The following CEP63 variants were observed in gnomAD, a reference collection of about 807,000 sequenced individuals.
CEP63 encodes the protein centrosomal protein 63.
In CEP63, 84 loss-of-function variants were observed where a neutral mutation model predicts 89.1. The observed-to-expected ratio is 0.94, with a 90% CI of 0.79 to 1.13. The LOEUF (loss-of-function observed/expected upper bound fraction) is 1.13, where lower values mean the gene tolerates loss of function less well. Among genes scored for constraint, CEP63 ranks in the 50% most tolerant of loss-of-function variants. The pLI is 0.00. For missense variants in CEP63, 838 were observed against 813.3 expected (o/e 1.03, Z -0.37); for synonymous variants, 267 against 272.5 (o/e 0.98, Z 0.20).
At chr3:134,723,978 T>C in the CEP63 span, among the ~76,000 whole-genome samples, 1 of 152,224 alleles carries the variant, frequency 6.6e-6, no homozygotes, top group Non-Finnish European at 1.5e-5. Flanking sequence ...ACGGCTTAGA[T>C]CCTAAGTGCT....
chr3:134,559,103 A>G (rs1159826547), intron 13 of CEP63, 47 bp from the exon 14 acceptor site: 1 of 1,603,804 alleles, frequency 6.2e-7, no homozygotes, highest in East Asian at 2.2e-5. Flanking sequence ...GAAAGAGAAA[A>G]GTTGCTACAA....
the CEP63 span, among the ~76,000 whole-genome samples, chr3:134,689,697 AC>A: frequency 2.0e-5 from 3 of 152,056 alleles, no homozygotes; most frequent in African/African-American, 7.2e-5. Flanking sequence ...CAAGTGATCC[AC>A]CCACCTCAGC....
At chr3:134,777,635 T>C in the CEP63 span, among the ~76,000 whole-genome samples, 1 of 120,198 alleles carries the variant, frequency 8.3e-6, no homozygotes, top group African/African-American at 3.6e-5. Context: ...TTTTTTTTTT[T>C]TTAGATGGAG....
the CEP63 span, among the ~76,000 whole-genome samples, chr3:134,639,655 G>A: frequency 5.3e-5 from 8 of 151,996 alleles, no homozygotes; most frequent in African/African-American, 1.9e-4. Flanking sequence ...CCTCAAGAAT[G>A]TCCTTTGGGG....
the CEP63 span, among the ~76,000 whole-genome samples, chr3:134,770,101 C>T: frequency 2.0e-5 from 3 of 152,218 alleles, no homozygotes; most frequent in Non-Finnish European, 4.4e-5. Context: ...TGGTCTTTGT[C>T]TTTGTGGTCC....
At chr3:134,498,111 A>G (rs753160603) in intron 2 of CEP63, among the ~76,000 whole-genome samples, 6 of 152,112 alleles carry the variant, frequency 3.9e-5, no homozygotes, top group Non-Finnish European at 5.9e-5. Context: ...GAAGCATGTC[A>G]TAGGTATTTT....
chr3:134,525,921 A>T (rs865839825), intron 3 of CEP63, among the ~76,000 whole-genome samples: 1 of 152,040 alleles, frequency 6.6e-6, no homozygotes, highest in African/African-American at 2.4e-5. Flanking sequence ...CCTGGGAATG[A>T]TCTTGTGAAG....
chr3:134,698,910 C>T, the CEP63 span, among the ~76,000 whole-genome samples: 2 of 152,232 alleles, frequency 1.3e-5, no homozygotes, highest in African/African-American at 2.4e-5. Context: ...CCAGCTAGCT[C>T]TTCTTCAGCA....
the CEP63 span, among the ~76,000 whole-genome samples, chr3:134,673,901 G>C: frequency 6.6e-6 from 1 of 152,250 alleles, no homozygotes; most frequent in African/African-American, 2.4e-5. Flanking sequence ...CACTCTTCCG[G>C]TAAAACAGAG....
intron 11 of CEP63, among the ~76,000 whole-genome samples, chr3:134,573,042 A>T (rs1958078398): frequency 6.6e-6 from 1 of 151,740 alleles, no homozygotes; most frequent in African/African-American, 2.4e-5. Flanking sequence ...ATATTTGTTG[A>T]CTGCTTGTAT....
chr3:134,605,859 C>T, the CEP63 span, among the ~76,000 whole-genome samples: 3 of 152,128 alleles, frequency 2.0e-5, no homozygotes, highest in African/African-American at 7.2e-5. Context: ...GAGGACTGGC[C>T]CTCATCCCAC....
chr3:134,668,993 T>G, the CEP63 span, among the ~76,000 whole-genome samples: 1 of 151,974 alleles, frequency 6.6e-6, no homozygotes, highest in Non-Finnish European at 1.5e-5. Flanking sequence ...GCACAGACCA[T>G]GTATTTAGGG....
chr3:134,758,813 A>C, the CEP63 span, among the ~76,000 whole-genome samples: 2 of 152,066 alleles, frequency 1.3e-5, no homozygotes, highest in African/African-American at 4.8e-5. Flanking sequence ...ACGCTAAATA[A>C]TGGCCTCGCC....
intron 1 of CEP63, among the ~76,000 whole-genome samples, chr3:134,494,177 G>A (rs547574807): frequency 1.3e-5 from 2 of 151,608 alleles, no homozygotes; most frequent in Non-Finnish European, 2.9e-5. Flanking sequence ...GTGCAATGGT[G>A]TGATCTCGGA....
At chr3:134,716,535 T>C in the CEP63 span, among the ~76,000 whole-genome samples, 1 of 152,046 alleles carries the variant, frequency 6.6e-6, no homozygotes, top group Non-Finnish European at 1.5e-5. Flanking sequence ...ATAGTTTGGG[T>C]TGTCTAGGGT....
chr3:134,534,497 A>G (rs1269763003), intron 5 of CEP63, among the ~76,000 whole-genome samples: 1 of 152,068 alleles, frequency 6.6e-6, no homozygotes, highest in East Asian at 1.9e-4. Flanking sequence ...CCACCTTTTT[A>G]CTGCTCCATT....
chr3:134,761,730 T>C, the CEP63 span, among the ~76,000 whole-genome samples: 1 of 149,408 alleles, frequency 6.7e-6, no homozygotes, highest in Non-Finnish European at 1.5e-5. Context: ...AATTTGTAAA[T>C]CAATCTCTCT....
chr3:134,617,397 C>G, the CEP63 span, among the ~76,000 whole-genome samples: 1 of 152,106 alleles, frequency 6.6e-6, no homozygotes, highest in East Asian at 1.9e-4. Flanking sequence ...TGAGGGCCTA[C>G]TGGGTGTAGG....
chr3:134,772,837 TTCCCAGGAGCTCAACTTGAC>T, the CEP63 span, among the ~76,000 whole-genome samples: 1 of 152,114 alleles, frequency 6.6e-6, no homozygotes, highest in Non-Finnish European at 1.5e-5. Flanking sequence ...TGAAGGCGGG[TTCCCAGGAGCTCAACTTGAC>T]TGTGATTCAG....
Sources: gnomAD v4.1 joint callset for allele counts (sites outside exome capture counted in the v4.1 genomes callset) on GRCh38, gnomAD v4.1.1 for gene constraint, MANE v1.5 for transcripts, NCBI Gene and HGNC (gene_info 2026-07-23, HGNC 2026-07-21) for gene names.